The following CUL4A variants were observed in gnomAD, a reference collection of about 807,000 sequenced individuals.
CUL4A encodes cullin 4A.
CUL4A carries 16 observed loss-of-function variants against 95.5 expected under a neutral mutation model. That is an observed-to-expected ratio of 0.17 (90% confidence interval 0.11 to 0.25). The LOEUF (loss-of-function observed/expected upper bound fraction) is 0.25, where lower values mean the gene tolerates loss of function less well. Among genes scored for constraint, CUL4A ranks in the 10% least tolerant of loss-of-function variants. The pLI is 1.00. For synonymous variants in CUL4A, 380 were observed against 353.1 expected (o/e 1.08, Z -0.85); for missense variants, 610 against 937.0 (o/e 0.65, Z 4.56).
intron 15 of CUL4A, among the ~76,000 whole-genome samples, chr13:113,248,164 A>G (rs1446109820): frequency 6.6e-6 from 1 of 152,196 alleles, no homozygotes; most frequent in Non-Finnish European, 1.5e-5. Context: ...ACATTTCAAG[A>G]CTACGTAAAC....
At chr13:113,253,579 A>G (rs1177827032) in intron 16 of CUL4A, among the ~76,000 whole-genome samples, 2 of 152,180 alleles carry the variant, frequency 1.3e-5, no homozygotes, top group African/African-American at 4.8e-5. Context: ...AAAAAAATTA[A>G]AAAAAACAGA....
chr13:113,217,365 C>A (rs2040732691), intron 2 of CUL4A, among the ~76,000 whole-genome samples: 1 of 152,110 alleles, frequency 6.6e-6, no homozygotes, highest in Non-Finnish European at 1.5e-5. Flanking sequence ...AAAGTAAATA[C>A]AGAATGTGGG....
intron 2 of CUL4A, among the ~76,000 whole-genome samples, chr13:113,212,471 A>G (rs895333789): frequency 3.9e-5 from 6 of 152,230 alleles, no homozygotes; most frequent in Non-Finnish European, 4.4e-5. Flanking sequence ...GAATTTTTGT[A>G]TATATTGTGA....
intron 5 of CUL4A, chr13:113,229,869 G>A (rs1258087312): frequency 8.6e-6 from 4 of 464,568 alleles, no homozygotes; most frequent in Admixed American, 3.9e-5. Flanking sequence ...CCTGCTGCCC[G>A]TGGGGTCGCA....
intron 3 of CUL4A, among the ~76,000 whole-genome samples, chr13:113,223,135 T>G (rs191318646): frequency 7.9e-5 from 12 of 152,230 alleles, no homozygotes; most frequent in Non-Finnish European, 1.8e-4. Flanking sequence ...CATGGGGTGT[T>G]TCTGTCCAAC....
intron 2 of CUL4A, among the ~76,000 whole-genome samples, chr13:113,212,439 A>C (rs895723389): frequency 2.6e-5 from 4 of 152,244 alleles, no homozygotes; most frequent in Admixed American, 6.5e-5. Flanking sequence ...TTTTACATCT[A>C]GGTCTACGAT....
intron 15 of CUL4A, among the ~76,000 whole-genome samples, chr13:113,246,548 C>T (rs937644357): frequency 2.0e-5 from 3 of 152,058 alleles, no homozygotes; most frequent in African/African-American, 7.2e-5. Context: ...TAATACCAGG[C>T]GAAGGGAAAG....
intron 11 of CUL4A, 87 bp from the exon 12 acceptor site, chr13:113,244,323 G>A: frequency 1.1e-6 from 1 of 940,524 alleles, no homozygotes; most frequent in South Asian, 1.6e-5. Flanking sequence ...GAAGGTTCCA[G>A]AATGTTCCTG....
intron 5 of CUL4A, among the ~76,000 whole-genome samples, chr13:113,231,195 G>A (rs138792590): frequency 1.3e-5 from 2 of 152,154 alleles, no homozygotes; most frequent in Admixed American, 6.5e-5. Flanking sequence ...AAACCTGAAC[G>A]TGAGCATCAT....
chr13:113,225,721 C>T (rs777922187), intron 3 of CUL4A, among the ~76,000 whole-genome samples: 25 of 152,226 alleles, frequency 1.6e-4, no homozygotes, highest in Non-Finnish European at 2.8e-4. Flanking sequence ...CCGTCCAGCT[C>T]CTGGAGTCAG....
At chr13:113,225,647 G>A (rs1212332856) in intron 3 of CUL4A, among the ~76,000 whole-genome samples, 1 of 152,208 alleles carries the variant, frequency 6.6e-6, no homozygotes, top group African/African-American at 2.4e-5. Context: ...GCAAAGCTCC[G>A]CCTTCGGCTG....
At chr13:113,249,612 T>C (rs999010502) in intron 15 of CUL4A, among the ~76,000 whole-genome samples, 1 of 152,208 alleles carries the variant, frequency 6.6e-6, no homozygotes, top group Non-Finnish European at 1.5e-5. Flanking sequence ...TATTTTGGGG[T>C]ATATACCTGG....
intron 5 of CUL4A, among the ~76,000 whole-genome samples, chr13:113,232,154 GCTGCCACCACTACCCGC>G (rs2041355978): frequency 6.4e-5 from 1 of 15,736 alleles, no homozygotes; most frequent in Non-Finnish European, 1.3e-4. Flanking sequence ...CACCATTACT[GCTGCCACCACTACCCGC>G]CCACCACCAT....
chr13:113,233,522 GAGA>G (rs1200565614), intron 6 of CUL4A, among the ~76,000 whole-genome samples, 183 bp downstream of exon 6: 1 of 151,800 alleles, frequency 6.6e-6, no homozygotes, highest in Non-Finnish European at 1.5e-5. Flanking sequence ...TGCCACAAAA[GAGA>G]AGATAGATCA....
chr13:113,239,655 G>A lies in CUL4A; in HGVS notation c.1035+104G>A, dbSNP rs572326610. ...CCCTGGCAAAGGGAACTGGGCTGCT[G>A]GAGGGCCCGTCTGCATTTTCATCAC... On this transcript the variant is annotated intron_variant, in intron 10 of 19. Coordinates refer to ENST00000375440, the MANE Select transcript of CUL4A (RefSeq NM_001008895.4). 16 of 767,230 alleles carry A rather than the reference G, an allele frequency of 2.1e-5. No homozygotes were observed. In the Admixed American group the frequency reaches 3.5e-4, roughly 17 times the overall value. 47.5% of individuals were successfully genotyped at this position (767,230 alleles called of 1,614,324 possible).
At position 113,235,117 on chromosome 13, in the gene CUL4A, G is replaced by A. The variant is rs201623121; in HGVS notation, c.820G>A (p.Val274Ile). Residue 274 changes from valine (V) to isoleucine (I), a missense_variant, in exon 8 of 20, where the codon GTA (valine) becomes ATA (isoleucine). Physicochemically the swap from Val to Ile is conservative, Grantham distance 29. Coordinates refer to ENST00000375440, the MANE Select transcript of CUL4A (RefSeq NM_001008895.4). ...SKRLEEEGDR[V>I]ITYLDHSTQK... Reference sequence around the variant, plus strand: ...ACGCTTAGAGGAAGAGGGAGACAGAGTAATCACTTACTTGGACCACAGCAC... The same window carrying A: ...ACGCTTAGAGGAAGAGGGAGACAGAATAATCACTTACTTGGACCACAGCAC... 10 of 1,613,496 alleles carry A rather than the reference G, an allele frequency of 6.2e-6. No homozygotes were observed. The South Asian group carries it at 6.6e-5, about 11-fold the overall frequency.
In CUL4A at chr13:113,222,328, A is replaced by G. The variant is rs1353759067; in HGVS notation, c.368+3280A>G. On this transcript the variant is annotated intron_variant, in intron 3 of 19. Transcript: ENST00000375440. Reference sequence around the variant, plus strand: ...CTGTGGTGTGAGGGGTCACACCACAATGGTTTGACTGGGCAGCAAAACCAC... The same window carrying G: ...CTGTGGTGTGAGGGGTCACACCACAGTGGTTTGACTGGGCAGCAAAACCAC... Among the ~76,000 whole-genome samples, 8 of 152,146 alleles carry G rather than the reference A, an allele frequency of 5.3e-5. No homozygotes were observed. The South Asian group carries it at 8.3e-4, about 16-fold the overall frequency.
chr13:113,245,922 C>A, intron 14 of CUL4A, 34 bp from the exon 15 acceptor site: 2 of 1,459,858 alleles, frequency 1.4e-6, no homozygotes, highest in Non-Finnish European at 1.9e-6. Context: ...TTATTACTTT[C>A]TCAAAATGAT....
At chr13:113,258,225 A>C (rs1432017858) in intron 18 of CUL4A, among the ~76,000 whole-genome samples, 1 of 152,078 alleles carries the variant, frequency 6.6e-6, no homozygotes, top group African/African-American at 2.4e-5. Flanking sequence ...TCCTGGGCTC[A>C]AGCAGTCTTC....
Sources: allele counts gnomAD v4.1 joint callset (sites outside exome capture counted in the v4.1 genomes callset), GRCh38; gene constraint gnomAD v4.1.1; transcripts MANE v1.5; gene names NCBI Gene and HGNC (gene_info 2026-07-23, HGNC 2026-07-21).